The following TMTC2 variants were observed in gnomAD, a reference collection of about 807,000 sequenced individuals.
The protein encoded by TMTC2 is protein O-mannosyl-transferase TMTC2.
Under a neutral mutation model 82.4 loss-of-function variants are expected in TMTC2, and 43 were observed. That is an observed-to-expected ratio of 0.52 (90% CI 0.41 to 0.67). The LOEUF (loss-of-function observed/expected upper bound fraction) is 0.67. Among genes scored for constraint, TMTC2 ranks in the 30% least tolerant of loss-of-function variants. The probability of loss-of-function intolerance (pLI) is 0.00; values close to 1 mark genes in which losing one functional copy is unlikely to be tolerated. For missense variants in TMTC2, 919 were observed against 1,012.4 expected (o/e 0.91, Z 1.25); for synonymous variants, 408 against 381.9 (o/e 1.07, Z -0.80).
At chr12:82,933,507 C>T (rs1419596182) in intron 4 of TMTC2, among the ~76,000 whole-genome samples, 1 of 152,068 alleles carries the variant, frequency 6.6e-6, no homozygotes, top group Admixed American at 6.6e-5. Context: ...TATCTTAACT[C>T]CTAAAAGAGA....
At chr12:83,051,806 G>A (rs1177136173) in intron 10 of TMTC2, among the ~76,000 whole-genome samples, 1 of 151,820 alleles carries the variant, frequency 6.6e-6, no homozygotes, top group Non-Finnish European at 1.5e-5. Context: ...TATTACAAAG[G>A]CTAATTACAA....
intron 1 of TMTC2, among the ~76,000 whole-genome samples, chr12:82,805,950 T>A (rs1879223350): frequency 6.6e-6 from 1 of 152,128 alleles, no homozygotes; most frequent in African/African-American, 2.4e-5. Flanking sequence ...CTGGGAATAC[T>A]GAGATGAATG....
chr12:83,061,837 T>C lies in TMTC2; in HGVS notation c.2331+6T>C. The C allele has an allele frequency of 6.3e-7, 1 of 1,587,192 alleles. No individual in the cohort carries two copies. The highest frequency in any genetic ancestry group is 1.4e-5 in the African/African-American group (1 of 73,786). On this transcript the variant is annotated splice_donor_region_variant and intron_variant, in intron 11 of 11. Coordinates refer to ENST00000321196, the MANE Select transcript of TMTC2 (RefSeq NM_152588.3). ...CAGCCAGGCTGAGGCCTAATGTAAG[T>C]ACTTCCCTAATGAGAAACATTTTCA...
At chr12:82,843,185 C>T (rs1474371074) in intron 1 of TMTC2, among the ~76,000 whole-genome samples, 1 of 152,082 alleles carries the variant, frequency 6.6e-6, no homozygotes. Context: ...CTCCCGGGTT[C>T]AAGCGATTCT....
intron 3 of TMTC2, among the ~76,000 whole-genome samples, chr12:82,923,681 C>T (rs1477956602): frequency 6.6e-6 from 1 of 152,098 alleles, no homozygotes; most frequent in African/African-American, 2.4e-5. Context: ...AATCAGTTCT[C>T]ATTGTTCTCA....
chr12:82,933,652 G>C (rs1876162790), intron 4 of TMTC2, among the ~76,000 whole-genome samples: 1 of 152,164 alleles, frequency 6.6e-6, no homozygotes, highest in African/African-American at 2.4e-5. Context: ...CAGAGGCCTA[G>C]AACAAACCTA....
At chr12:82,890,415 T>C (rs1269677493) in intron 2 of TMTC2, among the ~76,000 whole-genome samples, 1 of 152,190 alleles carries the variant, frequency 6.6e-6, no homozygotes, top group Non-Finnish European at 1.5e-5. Context: ...GATACTCTTA[T>C]TGTACTAAGA....
intron 1 of TMTC2, among the ~76,000 whole-genome samples, chr12:82,852,374 T>C (rs1351939646): frequency 2.0e-5 from 3 of 152,172 alleles, no homozygotes; most frequent in Non-Finnish European, 4.4e-5. Context: ...CCCAAAGTGC[T>C]GTGATTACAG....
chr12:83,033,624 G>A (rs919150963), intron 9 of TMTC2, among the ~76,000 whole-genome samples: 3 of 151,934 alleles, frequency 2.0e-5, no homozygotes, highest in Non-Finnish European at 4.4e-5. Flanking sequence ...GGTGGTGCAT[G>A]CCTGTAATCC....
At chr12:83,017,117 CT>C (rs1880712242) in intron 8 of TMTC2, among the ~76,000 whole-genome samples, 1 of 152,096 alleles carries the variant, frequency 6.6e-6, no homozygotes, top group Non-Finnish European at 1.5e-5. Flanking sequence ...GAAAGGATAT[CT>C]TTGTTAATGC....
chr12:82,708,020 C>T (rs1873447240), intron 1 of TMTC2, among the ~76,000 whole-genome samples: 1 of 152,168 alleles, frequency 6.6e-6, no homozygotes, highest in Non-Finnish European at 1.5e-5. Flanking sequence ...CGAGGGTGAG[C>T]ATCTTGTGGG....
chr12:82,689,010 A>T (rs772389609), intron 1 of TMTC2, among the ~76,000 whole-genome samples: 1 of 152,244 alleles, frequency 6.6e-6, no homozygotes, highest in Non-Finnish European at 1.5e-5. Flanking sequence ...AGGCTAGTTG[A>T]TAGGGAACCA....
At chr12:82,724,830 C>G (rs1370185701) in intron 1 of TMTC2, among the ~76,000 whole-genome samples, 2 of 152,144 alleles carry the variant, frequency 1.3e-5, no homozygotes, top group Admixed American at 1.3e-4. Context: ...TATCAGTATA[C>G]TTTTCCATAG....
intron 11 of TMTC2, among the ~76,000 whole-genome samples, chr12:83,086,873 G>A (rs1883678906): frequency 1.3e-5 from 2 of 152,138 alleles, no homozygotes. Flanking sequence ...CACATTAATA[G>A]CTGCTGACCC....
chr12:83,052,422 A>G (rs1292058069), intron 10 of TMTC2, among the ~76,000 whole-genome samples: 1 of 152,168 alleles, frequency 6.6e-6, no homozygotes, highest in Non-Finnish European at 1.5e-5. Context: ...TGGTATATTT[A>G]TAAAATAAAC....
At chr12:82,804,606 A>G (rs1358238539) in intron 1 of TMTC2, among the ~76,000 whole-genome samples, 1 of 152,114 alleles carries the variant, frequency 6.6e-6, no homozygotes, top group Admixed American at 6.5e-5. Flanking sequence ...TCATAAATAT[A>G]AAAGGGCTTT....
chr12:82,726,181 G>T (rs541416484), intron 1 of TMTC2, among the ~76,000 whole-genome samples: 1 of 152,106 alleles, frequency 6.6e-6, no homozygotes, highest in Non-Finnish European at 1.5e-5. Context: ...GATATATAGG[G>T]TGAAATAAAC....
chr12:83,089,481 A>G (rs1308433417), intron 11 of TMTC2, among the ~76,000 whole-genome samples: 1 of 152,156 alleles, frequency 6.6e-6, no homozygotes, highest in African/African-American at 2.4e-5. Flanking sequence ...TTCAGGTGTT[A>G]ACTAATTCAC....
intron 2 of TMTC2, among the ~76,000 whole-genome samples, chr12:82,883,082 A>C (rs12816249): frequency 2.1e-5 from 3 of 145,834 alleles, no homozygotes; most frequent in South Asian, 4.3e-4. Context: ...AAAAAAAAAA[A>C]CCAAAACCTT....
Sources: gnomAD v4.1 joint callset for allele counts (sites outside exome capture counted in the v4.1 genomes callset) on GRCh38, gnomAD v4.1.1 for gene constraint, MANE v1.5 for transcripts, NCBI Gene and HGNC (gene_info 2026-07-23, HGNC 2026-07-21) for gene names.